Variants in GRIK5 observed in about 807,000 individuals in gnomAD.
GRIK5 encodes the protein glutamate receptor ionotropic, kainate 5.
Under a neutral mutation model 97.4 loss-of-function variants are expected in GRIK5, and 43 were observed. The ratio of observed to expected loss-of-function variants is 0.44; its 90% confidence interval spans 0.35 to 0.57. The LOEUF (loss-of-function observed/expected upper bound fraction) is 0.57, where lower values mean the gene tolerates loss of function less well. Among genes scored for constraint, GRIK5 ranks in the 20% least tolerant of loss-of-function variants. The pLI is 0.01. For synonymous variants in GRIK5, 580 were observed against 583.5 expected, an observed-to-expected ratio of 0.99 and a Z score of 0.09; for missense variants, 1,015 against 1,382.0, an observed-to-expected ratio of 0.73 and a Z score of 4.21.
intron 1 of GRIK5, among the ~76,000 whole-genome samples, chr19:42,067,177 G>A (rs1568935999): frequency 6.6e-6 from 1 of 152,216 alleles, no homozygotes; most frequent in Non-Finnish European, 1.5e-5. Flanking sequence ...TGTGAAGTGG[G>A]CCTGGACACC....
intron 11 of GRIK5, among the ~76,000 whole-genome samples, chr19:42,049,135 T>C (rs1158735182): frequency 2.0e-5 from 3 of 152,190 alleles, no homozygotes; most frequent in African/African-American, 4.8e-5. Flanking sequence ...AAAACCACCA[T>C]ATATGGTTGG....
intron 12 of GRIK5, among the ~76,000 whole-genome samples, chr19:42,027,969 C>T (rs1457032967): frequency 2.0e-5 from 3 of 152,086 alleles, no homozygotes; most frequent in Admixed American, 1.3e-4. Context: ...GTAGCTGGGA[C>T]TATAGGTGTG....
Position 41,998,869 on chromosome 19 carries a change from G to A in GRIK5, c.*2C>T. 2 of 1,117,570 alleles carry A rather than the reference G, an allele frequency of 1.8e-6. No individual in the cohort carries two copies. The highest frequency in any genetic ancestry group is 2.2e-6 in the Non-Finnish European group (2 of 914,424). The allele number at this position is 1,117,570 out of a possible 1,614,324, so 69.2% of individuals were successfully genotyped here. The stretch of plus-strand genomic sequence containing the variant: ...CGGGCGCCCGCACAGCCCCGCCCGT[G>A]GTCACTCGTGCTCCGCCAGCTCCCG... On this transcript the variant is annotated 3_prime_UTR_variant, in exon 20 of 20. Coordinates refer to ENST00000593562, the MANE Select transcript of GRIK5 (RefSeq NM_002088.5).
Position 42,012,720 on chromosome 19 carries a change from A to G in GRIK5, c.1872-5910T>C, listed in dbSNP as rs560815764. Among the ~76,000 whole-genome samples, 3 of 152,148 alleles carry G rather than the reference A, an allele frequency of 2.0e-5. No individual in the cohort carries two copies. The East Asian group carries it at 5.9e-4, about 30-fold the overall frequency. Reference sequence around the variant, plus strand: ...CGAAACCCTATCTCTACAAAAAGTTAGCCAGACTGGGTGGCACGTGCCTGT... The same window carrying G: ...CGAAACCCTATCTCTACAAAAAGTTGGCCAGACTGGGTGGCACGTGCCTGT... On this transcript the variant is annotated intron_variant, in intron 15 of 19. Coordinates refer to ENST00000593562, the MANE Select transcript of GRIK5 (RefSeq NM_002088.5).
Position 42,054,411 on chromosome 19 carries a change from T to C in GRIK5, c.965A>G (p.Asn322Ser). 6.2e-7 allele frequency: 1 copy of C among 1,613,750 alleles called. No homozygotes were observed. Among genetic ancestry groups the C allele is most frequent in the Non-Finnish European group, 8.5e-7 (1 of 1,180,008 alleles). Residue 322 changes from asparagine to serine, a missense_variant, in exon 9 of 20, where the codon AAC becomes AGC. Coordinates refer to ENST00000593562, the MANE Select transcript of GRIK5 (RefSeq NM_002088.5). ...HVVVSAVREL[N>S]RSQEIGVKPL... The stretch of plus-strand genomic sequence containing the variant: ...CTTCACACCGATCTCCTGGCTGCGG[T>C]TCAGCTCTCGGACAGCGCTCACCAC...
rs1214538006 is a variant in GRIK5, at chr19:42,008,033, A to AT, written c.1872-1224dup. Among the ~76,000 whole-genome samples the AT allele has an allele frequency of 3.2e-3, 464 of 146,802 alleles. 6 individuals are homozygous for AT. The East Asian group carries it at 0.041, about 13-fold the overall frequency. On this transcript the variant is annotated intron_variant, in intron 15 of 19. Coordinates refer to ENST00000593562, the MANE Select transcript of GRIK5 (RefSeq NM_002088.5). ...CAATGTAAACAATGTCTGTTATGTA[A>AT]TTTTTTTTTTTTTCTTGAGACAGAG...
At position 42,021,156 on chromosome 19, in the gene GRIK5, C is replaced by G. The variant is rs537707855; in HGVS notation, c.1871+145G>C. On this transcript the variant is annotated intron_variant, in intron 15 of 19. Coordinates refer to ENST00000593562, the MANE Select transcript of GRIK5 (RefSeq NM_002088.5). The surrounding 1 kb of genome is among the most constrained non-coding windows in gnomAD (Gnocchi z 4.2). ...TAAGCGGCAGAGCTGGAGCTCAGCT[C>G]TCCCCACCCCATTCCTCGTCACACA... 2.9e-6 allele frequency: 2 copies of G among 685,612 alleles called. No individual in the cohort carries two copies. The highest frequency in any genetic ancestry group is 2.9e-5 in the East Asian group (1 of 34,302). 42.5% of individuals were successfully genotyped at this position (685,612 alleles called of 1,614,324 possible).
intron 12 of GRIK5, among the ~76,000 whole-genome samples, chr19:42,035,792 A>G (rs1352729945): frequency 2.6e-5 from 4 of 152,212 alleles, no homozygotes; most frequent in Non-Finnish European, 5.9e-5. Context: ...TCTGAGGTGT[A>G]AGAACATCAT....
Position 42,002,374 on chromosome 19 carries a change from G to A in GRIK5, c.2514+958C>T, listed in dbSNP as rs905268559. ...GTTGGTGGCCTGAATCCAATAAAGA[G>A]AGGACAACTGATGCTGCAGGAGGAA... On this transcript the variant is annotated intron_variant, in intron 19 of 19. Transcript: ENST00000593562. This position sits in a 1 kb window ranked among gnomAD's most constrained non-coding sequence, Gnocchi z 5.2. The A allele has an allele frequency of 3.5e-5, 25 of 717,652 alleles. No homozygotes were observed. In the African/African-American group the frequency reaches 4.2e-4, roughly 12 times the overall value. The allele number at this position is 717,652 out of a possible 1,614,324, so 44.5% of individuals were successfully genotyped here. A position where few individuals can be genotyped will look rare whatever the true frequency, so the allele number is the denominator to read the frequency against.
chr19:42,045,333 G>T (rs1171216463), intron 11 of GRIK5, among the ~76,000 whole-genome samples: 1 of 152,178 alleles, frequency 6.6e-6, no homozygotes, highest in Non-Finnish European at 1.5e-5. Flanking sequence ...ATTTAAGGAA[G>T]CCCAGGCTGG....
In GRIK5 at chr19:42,065,838, A is replaced by G. The variant is rs927841537; in HGVS notation, c.-50-18T>C. On this transcript the variant is annotated intron_variant, in intron 1 of 19. Transcript: ENST00000593562. This position sits in a 1 kb window ranked among gnomAD's most constrained non-coding sequence, Gnocchi z 5.8. ...CTCGCCACCTGCAGGGAGACCCCCC[A>G]GACCAAGGGGAGATTACTATGTGGT... is the stretch of plus-strand genomic sequence containing the variant. 7.8e-7 allele frequency: 1 copy of G among 1,280,776 alleles called. No individual in the cohort carries two copies. The highest frequency in any genetic ancestry group is 1.1e-6 in the Non-Finnish European group (1 of 912,636). The allele number at this position is 1,280,776 out of a possible 1,614,324, so 79.3% of individuals were successfully genotyped here. A position where few individuals can be genotyped will look rare whatever the true frequency, so the allele number is the denominator to read the frequency against.
At chr19:42,020,884 C>T (rs941221187) in intron 15 of GRIK5, among the ~76,000 whole-genome samples, 3 of 152,138 alleles carry the variant, frequency 2.0e-5, no homozygotes, top group African/African-American at 7.2e-5. Context: ...AGTAGTCATT[C>T]TTTTATTTAT....
chr19:42,013,527 A>G (rs2146032739), intron 15 of GRIK5, among the ~76,000 whole-genome samples: 1 of 146,544 alleles, frequency 6.8e-6, no homozygotes, highest in African/African-American at 2.5e-5. Context: ...CTCCTGCCTC[A>G]GCCTCCGGAG....
In GRIK5 at chr19:42,054,488, G is replaced by A. The variant is rs1339448629; in HGVS notation, c.904-16C>T. 1.9e-6 allele frequency: 3 copies of A among 1,609,006 alleles called. No individual in the cohort carries two copies. The highest frequency in any genetic ancestry group is 2.5e-6 in the Non-Finnish European group (3 of 1,178,728). ...CGGCTGACAGCTGCGGTGGGACAGAGGCGGGGGTGGGATGGATAAGAGGCT... is the reference window on the plus strand; with the variant it reads ...CGGCTGACAGCTGCGGTGGGACAGAAGCGGGGGTGGGATGGATAAGAGGCT... On this transcript the variant is annotated splice_polypyrimidine_tract_variant and intron_variant, in intron 8 of 19. Coordinates refer to ENST00000593562, the MANE Select transcript of GRIK5 (RefSeq NM_002088.5).
At chr19:42,000,093 A>C (rs899067341) in intron 19 of GRIK5, among the ~76,000 whole-genome samples, 4 of 152,252 alleles carry the variant, frequency 2.6e-5, no homozygotes, top group African/African-American at 9.6e-5. Flanking sequence ...GAAGACAGAA[A>C]AATGAGGTCA....
At chr19:42,052,115 G>C (rs962686815) in intron 11 of GRIK5, among the ~76,000 whole-genome samples, 1 of 152,200 alleles carries the variant, frequency 6.6e-6, no homozygotes, top group African/African-American at 2.4e-5. Flanking sequence ...AATATTTATG[G>C]AATGAATAAG....
chr19:41,999,160 A>G lies in GRIK5; in HGVS notation c.2654T>C (p.Leu885Pro). The G allele has an allele frequency of 6.7e-7, 1 of 1,501,992 alleles. No individual in the cohort carries two copies. Among genetic ancestry groups the G allele is most frequent in the Non-Finnish European group, 8.8e-7 (1 of 1,134,042 alleles). The allele number at this position is 1,501,992 out of a possible 1,614,324, so 93.0% of individuals were successfully genotyped here. A position where few individuals can be genotyped will look rare whatever the true frequency, so the allele number is the denominator to read the frequency against. ...LSLRAVREMRLSNGKLYSAGA... is the reference protein window; with the variant it reads ...LSLRAVREMRPSNGKLYSAGA... Reference sequence around the variant, plus strand: ...GGCCGAGTAGAGCTTGCCGTTGCTGAGGCGCATCTCGCGGACCGCGCGCAG... The same window carrying G: ...GGCCGAGTAGAGCTTGCCGTTGCTGGGGCGCATCTCGCGGACCGCGCGCAG... The change falls in exon 20 of 20, where the codon CTC (leucine) becomes CCC (proline). Residue 885 changes from leucine to proline, a missense_variant. Physicochemically the swap from Leu to Pro is moderately conservative, Grantham distance 98. This residue lies in a region of GRIK5 where 229 missense variants were observed against 341.0 expected (regional missense o/e 0.67). Transcript: ENST00000593562. This position sits in a 1 kb window ranked among gnomAD's most constrained non-coding sequence, Gnocchi z 5.0.
chr19:42,068,131 A>G (rs1424403423), intron 1 of GRIK5, among the ~76,000 whole-genome samples: 1 of 152,230 alleles, frequency 6.6e-6, no homozygotes, highest in South Asian at 2.1e-4. Flanking sequence ...GGCCCATAGA[A>G]GAGGAAGGGG....
Position 42,065,227 on chromosome 19 carries a change from G to C in GRIK5, c.240C>G (p.Asp80Glu). ...LQRDSQYETTDTMCQILPKGV... is the reference protein window; with the variant it reads ...LQRDSQYETTETMCQILPKGV... ...CGCCCCCATGGCCCCGCTCACTGGT[G>C]TCCGTGGTCTCGTACTGGCTGTCCC... The change falls in exon 3 of 20, where the codon GAC becomes GAG. Residue 80 changes from aspartate to glutamate, a missense_variant. Around this residue, in one of 5 missense-constraint regions of GRIK5, gnomAD observed 198 missense variants for 218.2 expected, o/e 0.91. Transcript: ENST00000593562. The surrounding 1 kb of genome is among the most constrained non-coding windows in gnomAD (Gnocchi z 5.8). The C allele has an allele frequency of 6.2e-7, 1 of 1,609,532 alleles. No individual in the cohort carries two copies. The highest frequency in any genetic ancestry group is 8.5e-7 in the Non-Finnish European group (1 of 1,177,330).
Sources: allele counts gnomAD v4.1 joint callset (sites outside exome capture counted in the v4.1 genomes callset), GRCh38; gene constraint gnomAD v4.1.1; regional missense constraint gnomAD v4.1.1; non-coding constraint Gnocchi (gnomAD v3.1); transcripts MANE v1.5; gene names NCBI Gene and HGNC (gene_info 2026-07-23, HGNC 2026-07-21).